CDH12: variants seen among roughly 807,000 people sequenced by gnomAD.
The protein encoded by CDH12 is cadherin 12.
CDH12 carries 41 observed loss-of-function variants against 74.1 expected under a neutral mutation model. The observed-to-expected ratio is 0.55, with a 90% confidence interval of 0.43 to 0.72. The LOEUF is 0.72. Among genes scored for constraint, CDH12 ranks in the 30% least tolerant of loss-of-function variants. The pLI, the probability that CDH12 is intolerant of heterozygous loss-of-function variation, is 0.00. For synonymous variants in CDH12, 399 were observed against 355.0 expected, an observed-to-expected ratio of 1.12 and a Z score of -1.39; for missense variants, 945 against 977.2, an observed-to-expected ratio of 0.97 and a Z score of 0.44.
chr5:22,364,038 T>G (rs1205467477), intron 3 of CDH12, among the ~76,000 whole-genome samples: 1 of 152,200 alleles, frequency 6.6e-6, no homozygotes, highest in African/African-American at 2.4e-5. Flanking sequence ...CCATGGGGTC[T>G]GTAGTCTGCA....
intron 5 of CDH12, among the ~76,000 whole-genome samples, chr5:22,056,547 G>T (rs1260913080): frequency 6.6e-6 from 1 of 152,126 alleles, no homozygotes; most frequent in Non-Finnish European, 1.5e-5. Flanking sequence ...CTATGTCTTC[G>T]TTGAACATAG....
At chr5:22,677,217 C>T (rs543612351) in intron 1 of CDH12, among the ~76,000 whole-genome samples, 1 of 152,264 alleles carries the variant, frequency 6.6e-6, no homozygotes, top group Non-Finnish European at 1.5e-5. Context: ...TTCACACACT[C>T]TGTCTCAAGG....
At chr5:22,791,152 C>A (rs566254445) in intron 1 of CDH12, among the ~76,000 whole-genome samples, 2 of 152,120 alleles carry the variant, frequency 1.3e-5, no homozygotes, top group African/African-American at 4.8e-5. Flanking sequence ...CAATATATAT[C>A]AATTACATAG....
chr5:22,269,800 C>T (rs182689437), intron 3 of CDH12, among the ~76,000 whole-genome samples: 11 of 152,088 alleles, frequency 7.2e-5, no homozygotes, highest in Admixed American at 5.2e-4. Context: ...AAAAAGGTAC[C>T]GAATATGTTC....
At chr5:21,987,079 C>T (rs554980986) in intron 5 of CDH12, among the ~76,000 whole-genome samples, 2 of 152,184 alleles carry the variant, frequency 1.3e-5, no homozygotes, top group Admixed American at 6.5e-5. Context: ...TCCATCTAAC[C>T]TAATTTCTTT....
intron 6 of CDH12, chr5:21,883,761 A>G (rs1256662353): frequency 6.3e-7 from 1 of 1,579,386 alleles, no homozygotes; most frequent in Non-Finnish European, 8.7e-7. Flanking sequence ...GGAAAAACTG[A>G]ATGAATGGCT....
chr5:22,803,452 A>G (rs1287407112), intron 1 of CDH12, among the ~76,000 whole-genome samples: 1 of 152,182 alleles, frequency 6.6e-6, no homozygotes, highest in Non-Finnish European at 1.5e-5. Flanking sequence ...TTCCAAAAGA[A>G]ATAAAAATAC....
intron 6 of CDH12, among the ~76,000 whole-genome samples, chr5:21,913,224 G>A (rs1013322172): frequency 6.6e-6 from 1 of 152,188 alleles, no homozygotes; most frequent in Non-Finnish European, 1.5e-5. Context: ...GGGACAGAGA[G>A]ACAGGAGGAC....
At chr5:22,597,325 A>C (rs1736650889) in intron 1 of CDH12, among the ~76,000 whole-genome samples, 1 of 152,238 alleles carries the variant, frequency 6.6e-6, no homozygotes, top group Admixed American at 6.5e-5. Flanking sequence ...TAACTTGTAG[A>C]TAAATAAGCT....
intron 3 of CDH12, among the ~76,000 whole-genome samples, chr5:22,311,853 C>T (rs1482472713): frequency 1.3e-5 from 2 of 152,022 alleles, no homozygotes; most frequent in African/African-American, 4.8e-5. Flanking sequence ...CTGCTCTAAG[C>T]TATTTTTCTC....
Position 22,635,146 on chromosome 5 carries a change from A to T in CDH12, c.-522-129782T>A, listed in dbSNP as rs116428787. Among the ~76,000 whole-genome samples, 868 of 152,304 alleles carry T rather than the reference A, an allele frequency of 5.7e-3. 8 individuals carry two copies. Among genetic ancestry groups the T allele is most frequent in the African/African-American group, 0.02 (839 of 41,568 alleles). ...CAGCATGGTCTAAGCATAAGAATAG[A>T]CATAGAGAACAAAGGAATAAAATTG... On this transcript the variant is annotated intron_variant, in intron 1 of 14. Transcript: ENST00000382254.
At chr5:22,811,188 C>G (rs1393953856) in intron 1 of CDH12, among the ~76,000 whole-genome samples, 1 of 151,466 alleles carries the variant, frequency 6.6e-6, no homozygotes, top group Admixed American at 6.6e-5. Flanking sequence ...TTTGGATGGA[C>G]AGTCATGAAG....
chr5:21,959,868 G>A (rs942162160), intron 6 of CDH12, among the ~76,000 whole-genome samples: 44 of 147,696 alleles, frequency 3.0e-4, no homozygotes, highest in Non-Finnish European at 5.5e-4. Flanking sequence ...GGAGATTGCA[G>A]TGAGCTGAGA....
In CDH12 at chr5:21,847,905, T is replaced by C. The variant is rs1387826396; in HGVS notation, c.647-5577A>G. Among the ~76,000 whole-genome samples the C allele has an allele frequency of 2.0e-5, 3 of 152,152 alleles. No homozygotes were observed. In the East Asian group the frequency reaches 5.8e-4, roughly 29 times the overall value. On this transcript the variant is annotated intron_variant, in intron 7 of 14. Transcript: ENST00000382254. ...TTGTTTTATGTTTCCTCAAATTGAA[T>C]GTATGTTGCTGAAGGCAGGGACTTT...
intron 1 of CDH12, among the ~76,000 whole-genome samples, chr5:22,533,066 A>G (rs1737665449): frequency 6.6e-6 from 1 of 152,132 alleles, no homozygotes; most frequent in South Asian, 2.1e-4. Context: ...AGATGTTCCC[A>G]GGTATTGCAC....
At chr5:22,247,679 A>AG (rs1230981846) in intron 3 of CDH12, among the ~76,000 whole-genome samples, 2 of 151,542 alleles carry the variant, frequency 1.3e-5, no homozygotes, top group Non-Finnish European at 2.9e-5. Flanking sequence ...CGTCAAAAAA[A>AG]AAGAAAAGAA....
chr5:21,866,740 A>C (rs925923544), intron 6 of CDH12, among the ~76,000 whole-genome samples: 5 of 152,216 alleles, frequency 3.3e-5, no homozygotes, highest in African/African-American at 1.2e-4. Context: ...GAGAGATTCA[A>C]GCTGGCTGCA....
intron 1 of CDH12, among the ~76,000 whole-genome samples, chr5:22,786,702 T>A (rs985729138): frequency 2.0e-5 from 3 of 151,844 alleles, no homozygotes; most frequent in African/African-American, 7.3e-5. Flanking sequence ...ACATTCTTTT[T>A]TTTTCTTTTT....
chr5:22,274,481 T>G (rs1736535269), intron 3 of CDH12, among the ~76,000 whole-genome samples: 1 of 152,092 alleles, frequency 6.6e-6, no homozygotes, highest in African/African-American at 2.4e-5. Context: ...CATTTTAGAC[T>G]TTAGAATTGG....
Sources: allele counts gnomAD v4.1 joint callset (sites outside exome capture counted in the v4.1 genomes callset), GRCh38; gene constraint gnomAD v4.1.1; transcripts MANE v1.5; gene names NCBI Gene and HGNC (gene_info 2026-07-23, HGNC 2026-07-21).